ARID1A: variants seen among roughly 807,000 people sequenced by gnomAD.
ARID1A encodes AT-rich interactive domain-containing protein 1A.
A neutral mutation model predicts 212.6 loss-of-function variants in ARID1A; 20 were observed. That is an observed-to-expected ratio of 0.09 (90% CI 0.07 to 0.14). The LOEUF (loss-of-function observed/expected upper bound fraction) is 0.14, where lower values mean the gene tolerates loss of function less well. Among genes scored for constraint, ARID1A ranks in the 10% least tolerant of loss-of-function variants. The pLI is 1.00. For synonymous variants in ARID1A, 1,376 were observed against 1,222.1 expected, an observed-to-expected ratio of 1.13 and a Z score of -2.63; for missense variants, 2,587 against 3,059.0, an observed-to-expected ratio of 0.85 and a Z score of 3.64.
At chr1:26,759,810 T>A (rs1384500436) in intron 4 of ARID1A, among the ~76,000 whole-genome samples, 3 of 152,232 alleles carry the variant, frequency 2.0e-5, no homozygotes, top group Admixed American at 2.0e-4. Context: ...AAACAGAATT[T>A]GTTCAATTGG....
At chr1:26,754,681 A>T (rs1305999782) in intron 4 of ARID1A, among the ~76,000 whole-genome samples, 1 of 152,214 alleles carries the variant, frequency 6.6e-6, no homozygotes, top group African/African-American at 2.4e-5. Context: ...CTCAGTTCAT[A>T]TAGTGTCACA....
intron 3 of ARID1A, 26 bp from the exon 4 acceptor site, chr1:26,732,650 C>T (rs2124792114): frequency 6.4e-7 from 1 of 1,567,450 alleles, no homozygotes; most frequent in Non-Finnish European, 8.8e-7. Flanking sequence ...ACCAGGCCAT[C>T]ACAGCTTTTG....
chr1:26,710,528 C>CACACACACACAG (rs1553147494), intron 1 of ARID1A, among the ~76,000 whole-genome samples: 8 of 148,196 alleles, frequency 5.4e-5, no homozygotes, highest in Non-Finnish European at 9.0e-5. Context: ...CACACACACA[C>CACACACACACAG]CACTTGTTGT....
At chr1:26,748,903 G>A (rs1213225273) in intron 4 of ARID1A, among the ~76,000 whole-genome samples, 3 of 151,718 alleles carry the variant, frequency 2.0e-5, no homozygotes, top group Non-Finnish European at 4.4e-5. Flanking sequence ...AGTGGCTCAC[G>A]CCTGTAATCC....
rs2081080157 is a variant in ARID1A, at chr1:26,771,160, C to T, written c.3240C>T (p.Leu1080=). 1 of 1,614,086 alleles carries T rather than the reference C, an allele frequency of 6.2e-7. No homozygotes were observed. The part of the protein sequence containing the change: ...NKKWRELATN[L]NVGTSSSAAS... ...AATGGCGGGAACTTGCAACCAACCT[C>T]AATGTGGGCACATCAAGCAGTGCTG... is the stretch of plus-strand genomic sequence containing the variant. The change falls in exon 12 of 20, where the codon CTC becomes CTT. Residue 1080 remains leucine, a synonymous_variant. Transcript: ENST00000324856. The surrounding 1 kb of genome is among the most constrained non-coding windows in gnomAD (Gnocchi z 5.4).
chr1:26,755,487 G>A (rs2080920701), intron 4 of ARID1A, among the ~76,000 whole-genome samples: 1 of 152,180 alleles, frequency 6.6e-6, no homozygotes. Flanking sequence ...GAAGCTCAGG[G>A]CACTTTACCA....
Position 26,775,568 on chromosome 1 carries a change from T to A in ARID1A, c.4994-9T>A, listed in dbSNP as rs2124126040. 6.2e-7 allele frequency: 1 copy of A among 1,613,842 alleles called. No homozygotes were observed. On this transcript the variant is annotated splice_polypyrimidine_tract_variant and intron_variant, in intron 18 of 19. Transcript: ENST00000324856. Reference sequence around the variant, plus strand: ...CTTGGTGGATAGACGACATGGAGGTTTATTTCAGGAACCCCGGAGGCATGG... The same window carrying A: ...CTTGGTGGATAGACGACATGGAGGTATATTTCAGGAACCCCGGAGGCATGG...
intron 1 of ARID1A, among the ~76,000 whole-genome samples, chr1:26,697,807 TGGG>T (rs1233802179): frequency 3.5e-5 from 1 of 28,388 alleles, no homozygotes; most frequent in Non-Finnish European, 6.7e-5. Flanking sequence ...GGGGTCTTGA[TGGG>T]GGTGCGGGGC....
In ARID1A at chr1:26,771,023, A is replaced by C; in HGVS notation, c.3199-96A>C. 1 of 1,119,948 alleles carries C rather than the reference A, an allele frequency of 8.9e-7. No individual in the cohort carries two copies. The highest frequency in any genetic ancestry group is 1.4e-5 in the South Asian group (1 of 72,612). 69.4% of individuals were successfully genotyped at this position (1,119,948 alleles called of 1,614,324 possible). On this transcript the variant is annotated intron_variant, in intron 11 of 19. Transcript: ENST00000324856. The surrounding 1 kb of genome is among the most constrained non-coding windows in gnomAD (Gnocchi z 5.4). ...AATTACCTAAGAACTGTGGTTCTAC[A>C]AAGATGAATACCTTACAGCCTGATG... is the stretch of plus-strand genomic sequence containing the variant.
At chr1:26,736,938 A>AC (rs1196709730) in intron 4 of ARID1A, among the ~76,000 whole-genome samples, 48 of 151,778 alleles carry the variant, frequency 3.2e-4, no homozygotes, top group African/African-American at 1.2e-3. Context: ...CACAATATAT[A>AC]AGGCCTACAA....
rs1462508037 is a variant in ARID1A, at chr1:26,780,119, C to G, written c.6221C>G (p.Ser2074Cys). The change falls in exon 20 of 20, where the codon TCT (serine) becomes TGT (cysteine). Residue 2074 changes from serine (S) to cysteine (C), a missense_variant. Physicochemically the swap from Ser to Cys is moderately radical, Grantham distance 112. Coordinates refer to ENST00000324856, the MANE Select transcript of ARID1A (RefSeq NM_006015.6). This position sits in a 1 kb window ranked among gnomAD's most constrained non-coding sequence, Gnocchi z 7.2. ...AACATCTCGGGGCAGTTGGACCTATCTCCATACCCCGAGAGCATTTGCCTG... is the reference window on the plus strand; with the variant it reads ...AACATCTCGGGGCAGTTGGACCTATGTCCATACCCCGAGAGCATTTGCCTG... ...LANISGQLDL[S>C]PYPESICLPV... The G allele has an allele frequency of 1.2e-6, 2 of 1,614,214 alleles. No individual in the cohort carries two copies. Among genetic ancestry groups the G allele is most frequent in the African/African-American group, 1.3e-5 (1 of 75,046 alleles).
At chr1:26,767,572 C>T (rs780345510) in intron 10 of ARID1A, among the ~76,000 whole-genome samples, 12 of 152,046 alleles carry the variant, frequency 7.9e-5, no homozygotes, top group Non-Finnish European at 1.5e-4. Flanking sequence ...AGCACAGCAC[C>T]CAGTACATAA....
At chr1:26,700,108 C>G (rs1467340364) in intron 1 of ARID1A, among the ~76,000 whole-genome samples, 1 of 152,164 alleles carries the variant, frequency 6.6e-6, no homozygotes, top group Non-Finnish European at 1.5e-5. Context: ...GTGTAAGAGA[C>G]AGTGCAGCTT....
Position 26,774,067 on chromosome 1 carries a change from C to T in ARID1A, c.4101+169C>T. ...AAGAGCCACGTCCTCAATCTCTTCT[C>T]TATTTGGAGTTGGAAGGGGCTAGAA... On this transcript the variant is annotated intron_variant, in intron 17 of 19. Transcript: ENST00000324856. This position sits in a 1 kb window ranked among gnomAD's most constrained non-coding sequence, Gnocchi z 5.6. 9.2e-7 allele frequency: 1 copy of T among 1,081,270 alleles called. No individual in the cohort carries two copies. The highest frequency in any genetic ancestry group is 1.3e-6 in the Non-Finnish European group (1 of 762,440). 67.0% of individuals were successfully genotyped at this position (1,081,270 alleles called of 1,614,324 possible).
chr1:26,733,529 A>G (rs2080700537), intron 4 of ARID1A, among the ~76,000 whole-genome samples: 2 of 152,234 alleles, frequency 1.3e-5, no homozygotes, highest in Non-Finnish European at 2.9e-5. Flanking sequence ...CTTTGTAATC[A>G]TCGCCTCAGA....
intron 1 of ARID1A, among the ~76,000 whole-genome samples, chr1:26,720,576 G>A (rs552583898): frequency 6.6e-6 from 1 of 151,978 alleles, no homozygotes; most frequent in African/African-American, 2.4e-5. Context: ...ACTCTCTTAA[G>A]ATTAAAAATA....
At chr1:26,745,591 C>T (rs771834645) in intron 4 of ARID1A, among the ~76,000 whole-genome samples, 1 of 152,132 alleles carries the variant, frequency 6.6e-6, no homozygotes, top group African/African-American at 2.4e-5. Flanking sequence ...TCTCCCCTCC[C>T]ACCCCCAACT....
At chr1:26,725,476 T>A (rs577435035) in intron 1 of ARID1A, among the ~76,000 whole-genome samples, 3 of 152,210 alleles carry the variant, frequency 2.0e-5, no homozygotes, top group Non-Finnish European at 4.4e-5. Flanking sequence ...AACTTTTACA[T>A]GAGATCAGAA....
intron 1 of ARID1A, among the ~76,000 whole-genome samples, chr1:26,717,434 T>G (rs2124770910): frequency 6.6e-6 from 1 of 152,360 alleles, no homozygotes; most frequent in South Asian, 2.1e-4. Flanking sequence ...TAAAGTGACT[T>G]GCTCAAAGTG....
Sources: allele counts gnomAD v4.1 joint callset (sites outside exome capture counted in the v4.1 genomes callset), GRCh38; gene constraint gnomAD v4.1.1; non-coding constraint Gnocchi (gnomAD v3.1); transcripts MANE v1.5; gene names NCBI Gene and HGNC (gene_info 2026-07-23, HGNC 2026-07-21).